The following CHST8 variants were observed in gnomAD, a reference collection of about 807,000 sequenced individuals.
CHST8 encodes carbohydrate sulfotransferase 8.
Under a neutral mutation model 15.0 loss-of-function variants are expected in CHST8, and 10 were observed. The observed-to-expected ratio is 0.67, with a 90% CI of 0.41 to 1.13. The LOEUF is 1.13. Among genes scored for constraint, CHST8 ranks in the 50% most tolerant of loss-of-function variants. The pLI is 0.00. For missense variants in CHST8, 634 were observed against 608.2 expected (o/e 1.04, Z -0.45); for synonymous variants, 259 against 256.6 (o/e 1.01, Z -0.09).
At chr19:33,723,965 G>A (rs1283767150) in intron 3 of CHST8, among the ~76,000 whole-genome samples, 2 of 152,198 alleles carry the variant, frequency 1.3e-5, no homozygotes, top group Admixed American at 6.5e-5. Flanking sequence ...GCTTCCCGTG[G>A]CGAAGGGGTG....
At chr19:33,625,211 G>A (rs944254670) in intron 1 of CHST8, among the ~76,000 whole-genome samples, 10 of 151,864 alleles carry the variant, frequency 6.6e-5, no homozygotes, top group South Asian at 4.2e-4. Context: ...TCAGCCTCCC[G>A]AGTAGCTGGG....
intron 1 of CHST8, among the ~76,000 whole-genome samples, chr19:33,655,212 T>G (rs751407883): frequency 6.6e-6 from 1 of 152,130 alleles, no homozygotes; most frequent in Non-Finnish European, 1.5e-5. Flanking sequence ...AATTTTTGCA[T>G]TTTTTGTAGA....
At chr19:33,748,162 C>T (rs1372617422) in intron 3 of CHST8, among the ~76,000 whole-genome samples, 1 of 152,226 alleles carries the variant, frequency 6.6e-6, no homozygotes, top group African/African-American at 2.4e-5. Context: ...GCATCTAGGG[C>T]CTTAATCAAT....
chr19:33,741,302 G>A (rs1250775835), intron 3 of CHST8, among the ~76,000 whole-genome samples: 1 of 152,216 alleles, frequency 6.6e-6, no homozygotes, highest in African/African-American at 2.4e-5. Context: ...AGGTTCCCTG[G>A]AAAGCAGACT....
At chr19:33,707,313 C>G (rs2145288091) in intron 3 of CHST8, among the ~76,000 whole-genome samples, 1 of 152,222 alleles carries the variant, frequency 6.6e-6, no homozygotes, top group Middle Eastern at 3.4e-3. Flanking sequence ...CTTGGCCTGC[C>G]AAAGTGCTGG....
At chr19:33,634,725 A>G (rs973692439) in intron 1 of CHST8, among the ~76,000 whole-genome samples, 10 of 139,626 alleles carry the variant, frequency 7.2e-5, no homozygotes, top group Non-Finnish European at 1.5e-4. Flanking sequence ...CCTTTCTGTC[A>G]TGTCCACGGC....
intron 3 of CHST8, among the ~76,000 whole-genome samples, chr19:33,730,023 C>T (rs1568346017): frequency 6.6e-6 from 1 of 152,146 alleles, no homozygotes; most frequent in Non-Finnish European, 1.5e-5. Flanking sequence ...AATGGGGATG[C>T]CAATCAATTC....
chr19:33,667,380 G>T (rs528760107), intron 1 of CHST8, among the ~76,000 whole-genome samples: 1 of 152,268 alleles, frequency 6.6e-6, no homozygotes, highest in African/African-American at 2.4e-5. Context: ...GACGGCTGGC[G>T]CTGGCTCTGT....
chr19:33,745,227 A>C (rs1209659193), intron 3 of CHST8, among the ~76,000 whole-genome samples: 1 of 152,200 alleles, frequency 6.6e-6, no homozygotes, highest in Non-Finnish European at 1.5e-5. Context: ...GCTGGAGGTA[A>C]GAGTCTCTAT....
At chr19:33,723,274 CTG>C (rs1255182362) in intron 3 of CHST8, among the ~76,000 whole-genome samples, 1 of 152,212 alleles carries the variant, frequency 6.6e-6, no homozygotes, top group Non-Finnish European at 1.5e-5. Context: ...GTGCAGATGT[CTG>C]TGTGCACATC....
rs368848120 is a variant in CHST8, at chr19:33,727,514, C to T, written c.130+38123C>T. On this transcript the variant is annotated intron_variant, in intron 3 of 4. Transcript: ENST00000650847. ...GGCTGTAGTGGAGCCGAGAGTCTGC[C>T]GTGGTCAGGCCGTGCTTGGGGCTGG... Among the ~76,000 whole-genome samples the T allele has an allele frequency of 1.3e-4, 20 of 152,268 alleles. No homozygotes were observed. The South Asian group carries it at 3.9e-3, about 30-fold the overall frequency.
intron 3 of CHST8, among the ~76,000 whole-genome samples, chr19:33,758,903 C>T (rs1974659822): frequency 6.6e-6 from 1 of 151,440 alleles, no homozygotes. Context: ...GTGGCCCCAG[C>T]ATCCACTTGG....
chr19:33,666,446 A>G (rs1332217662), intron 1 of CHST8, among the ~76,000 whole-genome samples: 2 of 152,162 alleles, frequency 1.3e-5, no homozygotes, highest in Admixed American at 1.3e-4. Flanking sequence ...GGCAGAGCTC[A>G]CGGATCCAGG....
At chr19:33,765,393 GT>G (rs1974813763) in intron 3 of CHST8, among the ~76,000 whole-genome samples, 1 of 152,054 alleles carries the variant, frequency 6.6e-6, no homozygotes, top group African/African-American at 2.4e-5. Flanking sequence ...AAGCCTCCCA[GT>G]TTGGGATACT....
chr19:33,642,272 G>A (rs1014876161), intron 1 of CHST8, among the ~76,000 whole-genome samples: 3 of 152,158 alleles, frequency 2.0e-5, no homozygotes, highest in South Asian at 2.1e-4. Context: ...CCAGGACCCC[G>A]TGGATGAGTG....
intron 3 of CHST8, among the ~76,000 whole-genome samples, chr19:33,739,119 C>A (rs180999981): frequency 6.6e-6 from 1 of 152,272 alleles, no homozygotes; most frequent in East Asian, 1.9e-4. Context: ...GACTCTGCAT[C>A]CATTTCCACC....
chr19:33,750,002 C>T (rs893479264), intron 3 of CHST8, among the ~76,000 whole-genome samples: 2 of 152,344 alleles, frequency 1.3e-5, no homozygotes, highest in South Asian at 4.1e-4. Context: ...GGCGCCCCAG[C>T]TAGGTGTGGT....
intron 3 of CHST8, among the ~76,000 whole-genome samples, chr19:33,744,738 A>G (rs1974278149): frequency 6.6e-6 from 1 of 151,678 alleles, no homozygotes; most frequent in Non-Finnish European, 1.5e-5. Flanking sequence ...CTAATTAATT[A>G]ATTGATTTAT....
At chr19:33,727,287 C>T (rs1273718033) in intron 3 of CHST8, among the ~76,000 whole-genome samples, 7 of 152,150 alleles carry the variant, frequency 4.6e-5, no homozygotes, top group Non-Finnish European at 8.8e-5. Context: ...GGACAGGCAG[C>T]GCAGGACCAC....
Sources: allele counts gnomAD v4.1 joint callset (sites outside exome capture counted in the v4.1 genomes callset), GRCh38; gene constraint gnomAD v4.1.1; transcripts MANE v1.5; gene names NCBI Gene and HGNC (gene_info 2026-07-23, HGNC 2026-07-21).